Variants in TENM2 observed in about 807,000 individuals in gnomAD.
The protein encoded by TENM2 is teneurin transmembrane protein 2.
A neutral mutation model predicts 245.2 loss-of-function variants in TENM2; 52 were observed. The ratio of observed to expected loss-of-function variants is 0.21; its 90% CI spans 0.17 to 0.27. TENM2 has a LOEUF of 0.27. Ranked by LOEUF, TENM2 falls within the 10% of genes least tolerant of loss-of-function variation. The probability of loss-of-function intolerance (pLI) is 1.00; values close to 1 mark genes in which losing one functional copy is unlikely to be tolerated. For synonymous variants in TENM2, 1,363 were observed against 1,438.9 expected (o/e 0.95, Z 1.19); for missense variants, 3,046 against 3,666.8 (o/e 0.83, Z 4.37).
At chr5:167,211,996 A>C in the TENM2 span, among the ~76,000 whole-genome samples, 1 of 152,200 alleles carries the variant, frequency 6.6e-6, no homozygotes, top group Non-Finnish European at 1.5e-5. Context: ...CTAAAGCCCA[A>C]GTCCTTGACC....
chr5:167,008,511 A>G, the TENM2 span, among the ~76,000 whole-genome samples: 5 of 152,232 alleles, frequency 3.3e-5, no homozygotes, highest in East Asian at 1.9e-4. Context: ...CCATTTACCA[A>G]AATGCAGGAC....
intron 2 of TENM2, among the ~76,000 whole-genome samples, chr5:167,389,457 G>A (rs1462919143): frequency 1.3e-5 from 2 of 151,668 alleles, no homozygotes; most frequent in East Asian, 1.9e-4. Flanking sequence ...ATTTTTTTTG[G>A]AAATAAACTA....
At chr5:167,282,909 A>C (rs1323145276), upstream of TENM2, among the ~76,000 whole-genome samples, 1 of 152,174 alleles carries the variant, frequency 6.6e-6, no homozygotes, top group Admixed American at 6.5e-5. Flanking sequence ...TCCTGGGGTC[A>C]TGACTCTCAA....
chr5:167,525,788 C>T (rs1439250969), intron 2 of TENM2, among the ~76,000 whole-genome samples: 1 of 152,058 alleles, frequency 6.6e-6, no homozygotes, highest in African/African-American at 2.4e-5. Flanking sequence ...TTATAACCCT[C>T]TTTGAGAAGT....
chr5:168,156,253 A>AAAAAAC (rs1554210129), intron 12 of TENM2, among the ~76,000 whole-genome samples: 3 of 149,554 alleles, frequency 2.0e-5, no homozygotes, highest in Non-Finnish European at 4.4e-5. Flanking sequence ...TAGTTAAAAA[A>AAAAAAC]AAAAAAAAAA....
intron 2 of TENM2, among the ~76,000 whole-genome samples, chr5:167,856,178 T>G (rs529919187): frequency 3.9e-5 from 6 of 152,036 alleles, no homozygotes; most frequent in Non-Finnish European, 7.4e-5. Context: ...ATAGGAGAAA[T>G]AAGTGGGAAC....
intron 2 of TENM2, among the ~76,000 whole-genome samples, chr5:167,810,849 A>G (rs1766584587): frequency 6.6e-6 from 1 of 152,116 alleles, no homozygotes; most frequent in Admixed American, 6.5e-5. Flanking sequence ...CCCTTCTCAA[A>G]TCAGATTAAG....
intron 2 of TENM2, among the ~76,000 whole-genome samples, chr5:167,765,697 A>C (rs962440655): frequency 8.5e-5 from 13 of 152,188 alleles, no homozygotes; most frequent in African/African-American, 2.9e-4. Flanking sequence ...TGTTAATGTC[A>C]AAATTGATCC....
In TENM2 at chr5:167,766,092, G is replaced by A. The variant is rs114424234; in HGVS notation, c.503-109894G>A. On this transcript the variant is annotated intron_variant, in intron 2 of 28. Transcript: ENST00000518659. ...ATTATAACTGAATATTTATGTTAGT[G>A]TTATGTGGACAAATTGCAGGAAGAG... 4.3e-3 allele frequency among the ~76,000 whole-genome samples: 655 copies of A among 152,282 alleles called. 9 individuals are homozygous for A. Among genetic ancestry groups the A allele is most frequent in the African/African-American group, 0.015 (604 of 41,562 alleles).
chr5:167,926,000 G>A (rs1012750209), intron 3 of TENM2, among the ~76,000 whole-genome samples: 2 of 152,118 alleles, frequency 1.3e-5, no homozygotes, highest in Non-Finnish European at 2.9e-5. Flanking sequence ...GATCACTATT[G>A]GGAACTGGGC....
the TENM2 span, among the ~76,000 whole-genome samples, chr5:167,058,472 T>A: frequency 1.4e-4 from 22 of 152,322 alleles, no homozygotes; most frequent in African/African-American, 5.3e-4. Context: ...AAGTATACAA[T>A]TTTTGGCAAG....
intron 3 of TENM2, among the ~76,000 whole-genome samples, chr5:167,913,617 A>G (rs1246896703): frequency 8.5e-5 from 13 of 152,216 alleles, no homozygotes; most frequent in Non-Finnish European, 1.9e-4. Flanking sequence ...GAAATCTGAA[A>G]CCGAGATAGA....
chr5:167,491,716 C>T (rs897666999), intron 2 of TENM2, among the ~76,000 whole-genome samples: 3 of 152,172 alleles, frequency 2.0e-5, no homozygotes, highest in Admixed American at 1.3e-4. Flanking sequence ...CTTGTTTGAA[C>T]AGTCCACAAG....
chr5:167,756,597 A>G (rs1057244791), intron 2 of TENM2, among the ~76,000 whole-genome samples: 5 of 152,174 alleles, frequency 3.3e-5, no homozygotes, highest in Admixed American at 6.5e-5. Flanking sequence ...CCACACTTCA[A>G]TTATCTCAGA....
intron 2 of TENM2, among the ~76,000 whole-genome samples, chr5:167,825,224 A>G (rs1767864309): frequency 6.6e-6 from 1 of 152,154 alleles, no homozygotes. Flanking sequence ...CTGTAGATAG[A>G]CACATAATCC....
the TENM2 span, among the ~76,000 whole-genome samples, chr5:167,190,847 C>A: frequency 6.6e-6 from 1 of 152,110 alleles, no homozygotes; most frequent in Non-Finnish European, 1.5e-5. Flanking sequence ...TATTTCCTTT[C>A]TATTATTATT....
At chr5:167,782,248 G>T (rs1485942199) in intron 2 of TENM2, among the ~76,000 whole-genome samples, 1 of 143,496 alleles carries the variant, frequency 7.0e-6, no homozygotes, top group African/African-American at 2.7e-5. Flanking sequence ...AGGAGGTAGA[G>T]GTTGCGGTGA....
chr5:167,645,864 T>C (rs574713789), intron 2 of TENM2, among the ~76,000 whole-genome samples: 4 of 152,052 alleles, frequency 2.6e-5, no homozygotes, highest in African/African-American at 9.6e-5. Flanking sequence ...GTAATGCATA[T>C]ATTACAACAT....
At chr5:167,536,550 A>G (rs554581160) in intron 2 of TENM2, among the ~76,000 whole-genome samples, 70 of 152,306 alleles carry the variant, frequency 4.6e-4, no homozygotes, top group African/African-American at 1.6e-3. Context: ...TGGATCATGT[A>G]CTATAGTTTT....
Sources: allele counts gnomAD v4.1 joint callset (sites outside exome capture counted in the v4.1 genomes callset), GRCh38; gene constraint gnomAD v4.1.1; transcripts MANE v1.5; gene names NCBI Gene and HGNC (gene_info 2026-07-23, HGNC 2026-07-21).